ATRX: variants seen among roughly 807,000 people sequenced by gnomAD.
The protein encoded by ATRX is chromatin remodeler ATRX.
ATRX carries 12 observed loss-of-function variants against 172.6 expected under a neutral mutation model. The ratio of observed to expected loss-of-function variants is 0.07; its 90% CI spans 0.04 to 0.11. The LOEUF is 0.11. Among genes scored for constraint, ATRX ranks in the 10% least tolerant of loss-of-function variants. The pLI, the probability that ATRX is intolerant of heterozygous loss-of-function variation, is 1.00. For synonymous variants in ATRX, 674 were observed against 594.7 expected, an observed-to-expected ratio of 1.13 and a Z score of -1.94; for missense variants, 1,368 against 1,767.4, an observed-to-expected ratio of 0.77 and a Z score of 4.05.
chrX:77,520,947 T>C (rs1557041147), intron 33 of ATRX, 31 bp from the exon 34 acceptor site: 1 of 1,167,626 alleles, frequency 8.6e-7, no homozygotes, highest in South Asian at 1.8e-5. Context: ...TTACTCCTTA[T>C]TACTGTACAA....
At chrX:77,586,405 G>T (rs1309222268) in intron 27 of ATRX, among the ~76,000 whole-genome samples, 1 of 112,053 alleles carries the variant, frequency 8.9e-6, no homozygotes, top group East Asian at 2.8e-4. Context: ...AAGATAGTGC[G>T]GGTGGAGAGA....
intron 22 of ATRX, among the ~76,000 whole-genome samples, chrX:77,606,293 C>T (rs2148189515): frequency 9.1e-6 from 1 of 110,289 alleles, no homozygotes; most frequent in Non-Finnish European, 1.9e-5. Context: ...AACCCCATCC[C>T]CCAAAGAAAA....
At chrX:77,611,558 G>C (rs1602820041) in intron 22 of ATRX, among the ~76,000 whole-genome samples, 1 of 110,566 alleles carries the variant, frequency 9.0e-6, no homozygotes, top group South Asian at 3.8e-4. Context: ...TATTGAAATA[G>C]CCAGATGAGG....
chrX:77,742,908 C>A (rs976275549), intron 1 of ATRX, among the ~76,000 whole-genome samples: 2 of 111,677 alleles, frequency 1.8e-5, no homozygotes, highest in Admixed American at 1.9e-4. Context: ...GAAACCTAAG[C>A]AGCTGTAACA....
chrX:77,562,304 C>T lies in ATRX; in HGVS notation c.6327-3458G>A, dbSNP rs143996047. On this transcript the variant is annotated intron_variant, in intron 28 of 34. Coordinates refer to ENST00000373344, the MANE Select transcript of ATRX (RefSeq NM_000489.6). ...TTTTTATGTGAAAATGTTTTCATTT[C>T]CATGGGATACATTTCTGAGAGTGTA... Among the ~76,000 whole-genome samples the T allele has an allele frequency of 7.5e-3, 839 of 112,035 alleles. 13 individuals carry two copies. The highest frequency in any genetic ancestry group is 0.026 in the African/African-American group (798 of 30,861).
chrX:77,750,672 C>A (rs782059304), intron 1 of ATRX, among the ~76,000 whole-genome samples: 12 of 109,717 alleles, frequency 1.1e-4, no homozygotes, highest in Non-Finnish European at 2.1e-4. Context: ...AATGCACTCC[C>A]TCCCCTTGCC....
chrX:77,671,398 A>T (rs782236432), intron 10 of ATRX, among the ~76,000 whole-genome samples: 36 of 107,033 alleles, frequency 3.4e-4, no homozygotes, highest in Non-Finnish European at 5.4e-4. Context: ...ATGACTTTTT[A>T]AAAAAATCTT....
intron 1 of ATRX, among the ~76,000 whole-genome samples, chrX:77,752,768 T>C (rs1557188172): frequency 2.7e-5 from 3 of 112,235 alleles, no homozygotes; most frequent in Admixed American, 9.5e-5. Context: ...ATTGATTACT[T>C]TTATTGATTT....
intron 1 of ATRX, among the ~76,000 whole-genome samples, chrX:77,777,978 A>C (rs1413396038): frequency 9.2e-6 from 1 of 109,138 alleles, no homozygotes; most frequent in African/African-American, 3.3e-5. Context: ...TCTACTAAAA[A>C]TACAAAAACT....
chrX:77,559,795 A>G (rs45467393), intron 28 of ATRX, among the ~76,000 whole-genome samples: 1 of 110,917 alleles, frequency 9.0e-6, no homozygotes, highest in African/African-American at 3.3e-5. Flanking sequence ...TTAGGAATGA[A>G]TTGGTGATAG....
At chrX:77,540,531 T>C (rs1194759297) in intron 30 of ATRX, among the ~76,000 whole-genome samples, 2 of 111,916 alleles carry the variant, frequency 1.8e-5, no homozygotes, top group Non-Finnish European at 3.8e-5. Context: ...CAGCAACTCC[T>C]TGCACTTATT....
Position 77,682,815 on chromosome X carries a change from G to C in ATRX, c.2441C>G (p.Ser814Cys), listed in dbSNP as rs1557139647. The C allele has an allele frequency of 8.3e-7, 1 of 1,208,502 alleles. No homozygotes were observed. The highest frequency in any genetic ancestry group is 2.2e-5 in the Admixed American group (1 of 45,619). The change falls in exon 9 of 35, where the codon TCT (serine) becomes TGT (cysteine). Residue 814 changes from serine (S) to cysteine (C), a missense_variant. Ser to Cys is a moderately radical substitution (Grantham distance 112, BLOSUM62 -1). Around this residue, in one of 17 missense-constraint regions of ATRX, gnomAD observed 843 missense variants for 643.1 expected, o/e 1.31. Transcript: ENST00000373344. ...TTCTAATTCTGAGTCATAATTAGAA[G>C]ACTCAGACTGGGTTTGTCGTTTCTT... The part of the protein sequence containing the change: ...SKKKRQTQSE[S>C]SNYDSELEKE...
At position 77,540,940 on chromosome X, in the gene ATRX, G is replaced by C. The variant is rs191181571; in HGVS notation, c.6699+16511C>G. On this transcript the variant is annotated intron_variant, in intron 30 of 34. Coordinates refer to ENST00000373344, the MANE Select transcript of ATRX (RefSeq NM_000489.6). ...GCAAGAGCAACATATTCAAAAGCTA[G>C]CAGAAGACAAGAAATAACTAAGATC... 9.5e-4 allele frequency among the ~76,000 whole-genome samples: 106 copies of C among 111,200 alleles called. 1 individual carries two copies. The highest frequency in any genetic ancestry group is 3.4e-3 in the African/African-American group (104 of 30,637).
intron 1 of ATRX, among the ~76,000 whole-genome samples, chrX:77,781,065 C>T (rs966469696): frequency 1.2e-4 from 13 of 111,584 alleles, no homozygotes; most frequent in Non-Finnish European, 2.1e-4. Flanking sequence ...AACTGAAAAA[C>T]CAAGGCTTGG....
chrX:77,625,425 G>C (rs1391593168), intron 19 of ATRX, among the ~76,000 whole-genome samples: 3 of 112,602 alleles, frequency 2.7e-5, no homozygotes, highest in Middle Eastern at 4.6e-3. Context: ...GCTTTTGCAT[G>C]GCAAAAGGAA....
rs2062741522 is a variant in ATRX, at chrX:77,507,770, C to A, written c.*581G>T. ...CAGTAGTATTTAAGAATATTGCACA[C>A]AATTCTGTGTCAAAGATAACCCTCA... On this transcript the variant is annotated 3_prime_UTR_variant, in exon 35 of 35. Coordinates refer to ENST00000373344, the MANE Select transcript of ATRX (RefSeq NM_000489.6). 1 of 175,946 alleles carries A rather than the reference C, an allele frequency of 5.7e-6. No homozygotes were observed. Among genetic ancestry groups the A allele is most frequent in the South Asian group, 3.0e-4 (1 of 3,381 alleles). The allele number at this position is 175,946 out of a possible 1,213,427, so 14.5% of individuals were successfully genotyped here.
intron 1 of ATRX, among the ~76,000 whole-genome samples, chrX:77,779,303 A>G (rs2148973878): frequency 9.2e-6 from 1 of 109,015 alleles, no homozygotes; most frequent in South Asian, 4.0e-4. Flanking sequence ...TTCTACTTTG[A>G]ACTCACACAA....
At chrX:77,779,534 C>A (rs1392483963) in intron 1 of ATRX, among the ~76,000 whole-genome samples, 1 of 111,370 alleles carries the variant, frequency 9.0e-6, no homozygotes, top group African/African-American at 3.3e-5. Context: ...AGACATCCCC[C>A]AAATTAGGCT....
intron 30 of ATRX, among the ~76,000 whole-genome samples, chrX:77,556,264 AGAGAGGGAGAGAGGG>A (rs2064789137): frequency 8.7e-5 from 4 of 45,935 alleles, no homozygotes; most frequent in African/African-American, 3.5e-4. Context: ...GGAGAGAGGG[AGAGAGGGAGAGAGGG>A]AGAGGGAGAG....
Sources: gnomAD v4.1 joint callset for allele counts (sites outside exome capture counted in the v4.1 genomes callset) on GRCh38, gnomAD v4.1.1 for gene constraint, gnomAD v4.1.1 regional missense constraint, MANE v1.5 for transcripts, NCBI Gene and HGNC (gene_info 2026-07-23, HGNC 2026-07-21) for gene names.